The following EYS variants were observed in gnomAD, a reference collection of about 807,000 sequenced individuals.
The protein encoded by EYS is protein eyes shut homolog.
In EYS, 250 loss-of-function variants were observed where a neutral mutation model predicts 282.1. The observed-to-expected ratio is 0.89, with a 90% CI of 0.80 to 0.98. The LOEUF is 0.98. Ranked by LOEUF, EYS falls within the 50% of genes least tolerant of loss-of-function variation. The pLI is 0.00. For missense variants in EYS, 4,016 were observed against 3,709.0 expected (o/e 1.08, Z -2.15); for synonymous variants, 1,355 against 1,282.9 (o/e 1.06, Z -1.20).
intron 2 of EYS, among the ~76,000 whole-genome samples, chr6:65,617,026 GAT>G (rs1196770615): frequency 2.6e-5 from 4 of 151,998 alleles, no homozygotes; most frequent in African/African-American, 7.2e-5. Flanking sequence ...TACAACAAAT[GAT>G]TTCTAACATT....
At chr6:65,037,571 GTTACT>G (rs1420899322) in intron 13 of EYS, among the ~76,000 whole-genome samples, 2 of 151,494 alleles carry the variant, frequency 1.3e-5, no homozygotes, top group Non-Finnish European at 3.0e-5. Flanking sequence ...TTTTCTCTAG[GTTACT>G]TTATTCATTG....
At chr6:64,096,415 C>G (rs1772616055) in intron 31 of EYS, among the ~76,000 whole-genome samples, 1 of 152,220 alleles carries the variant, frequency 6.6e-6, no homozygotes, top group Non-Finnish European at 1.5e-5. Context: ...GGTCTTTTCA[C>G]ATAGTCCCAT....
intron 22 of EYS, chr6:64,733,863 A>C (rs1772066267): frequency 6.3e-6 from 1 of 158,356 alleles, no homozygotes; most frequent in African/African-American, 2.4e-5. Flanking sequence ...CTCCTGACTT[A>C]GTCTCACTCA....
At chr6:65,022,718 CAATAT>C (rs1311844891) in intron 13 of EYS, among the ~76,000 whole-genome samples, 1 of 149,244 alleles carries the variant, frequency 6.7e-6, no homozygotes, top group Non-Finnish European at 1.5e-5. Context: ...AACATAAATA[CAATAT>C]ATGTAATACA....
chr6:65,066,926 T>G (rs1773762439), intron 12 of EYS, among the ~76,000 whole-genome samples: 1 of 152,260 alleles, frequency 6.6e-6, no homozygotes, highest in Non-Finnish European at 1.5e-5. Context: ...TATGTAACAT[T>G]TAGCATATAG....
intron 2 of EYS, among the ~76,000 whole-genome samples, chr6:65,548,277 T>G (rs1268765610): frequency 6.6e-6 from 1 of 152,220 alleles, no homozygotes; most frequent in African/African-American, 2.4e-5. Flanking sequence ...TTGTGATTAT[T>G]TAAATTTTAG....
At chr6:64,854,637 A>G (rs1375770670) in intron 19 of EYS, among the ~76,000 whole-genome samples, 1 of 151,682 alleles carries the variant, frequency 6.6e-6, no homozygotes, top group Non-Finnish European at 1.5e-5. Context: ...GATATACCTA[A>G]TGTTAAATGA....
intron 31 of EYS, among the ~76,000 whole-genome samples, chr6:64,155,707 G>A (rs1485060290): frequency 2.0e-5 from 3 of 152,120 alleles, no homozygotes; most frequent in Non-Finnish European, 2.9e-5. Flanking sequence ...TAAGGCGAAC[G>A]ATGTTGTGTA....
At chr6:65,403,039 C>A (rs539244248) in intron 6 of EYS, among the ~76,000 whole-genome samples, 73 of 152,166 alleles carry the variant, frequency 4.8e-4, no homozygotes, top group African/African-American at 1.7e-3. Context: ...TAACAGCCAA[C>A]ATTTACTACC....
intron 12 of EYS, among the ~76,000 whole-genome samples, chr6:65,094,597 G>T (rs1774684044): frequency 1.3e-5 from 2 of 151,154 alleles, no homozygotes; most frequent in African/African-American, 4.8e-5. Flanking sequence ...GAAAAGGTAA[G>T]TAAATGATAC....
intron 36 of EYS, chr6:63,857,730 A>C: frequency 2.6e-6 from 1 of 383,268 alleles, no homozygotes; most frequent in South Asian, 2.3e-5. Context: ...CAATGCTTTG[A>C]TGAGCATCTG....
At chr6:65,506,456 CTTTCTTTTTTTTTTTTTTTTT>C (rs1766658294) in intron 2 of EYS, among the ~76,000 whole-genome samples, 1 of 89,488 alleles carries the variant, frequency 1.1e-5, no homozygotes, top group Admixed American at 1.2e-4. Flanking sequence ...TCCTTCCTTC[CTTTCTTTTTTTTTTTTTTTTT>C]TTTTTTTTTT....
chr6:64,393,747 C>T lies in EYS; in HGVS notation c.5928-4907G>A, dbSNP rs546790417. 4.1e-4 allele frequency among the ~76,000 whole-genome samples: 62 copies of T among 151,766 alleles called. 1 individual carries two copies. The East Asian group carries it at 0.011, about 26-fold the overall frequency. On this transcript the variant is annotated intron_variant, in intron 28 of 42. Coordinates refer to ENST00000503581, the MANE Select transcript of EYS (RefSeq NM_001142800.2). ...AAGACAGGGATGCCCTCTCTCACCA[C>T]TCCTATTCAACATAGTGTTGGAAGT...
intron 30 of EYS, among the ~76,000 whole-genome samples, chr6:64,279,707 G>A (rs980418570): frequency 6.6e-6 from 1 of 152,146 alleles, no homozygotes; most frequent in Non-Finnish European, 1.5e-5. Context: ...ATGTCCTGTA[G>A]TATATTCAAA....
chr6:64,851,650 A>G (rs1041365603), intron 19 of EYS, among the ~76,000 whole-genome samples: 1 of 152,164 alleles, frequency 6.6e-6, no homozygotes, highest in African/African-American at 2.4e-5. Flanking sequence ...CTTTTCTGGG[A>G]CATGGATAGA....
intron 33 of EYS, among the ~76,000 whole-genome samples, chr6:64,046,117 GTATT>G (rs1562172598): frequency 6.8e-6 from 1 of 147,818 alleles, no homozygotes; most frequent in Non-Finnish European, 1.5e-5. Flanking sequence ...CATATGTAAT[GTATT>G]TAAATACGTT....
chr6:65,260,021 T>A (rs1225288216), intron 12 of EYS, among the ~76,000 whole-genome samples: 1 of 152,038 alleles, frequency 6.6e-6, no homozygotes, highest in African/African-American at 2.4e-5. Context: ...GGGTAATTTG[T>A]AAAGTAAAGA....
At chr6:64,478,178 T>C (rs1776330387) in intron 26 of EYS, among the ~76,000 whole-genome samples, 3 of 152,048 alleles carry the variant, frequency 2.0e-5, no homozygotes, top group Non-Finnish European at 4.4e-5. Flanking sequence ...AAAAGGTGTT[T>C]AAGTGCTCTG....
intron 12 of EYS, among the ~76,000 whole-genome samples, chr6:65,121,977 A>T (rs139242925): frequency 2.5e-3 from 385 of 152,300 alleles, no homozygotes; most frequent in African/African-American, 8.5e-3. Flanking sequence ...AAATTTGGAA[A>T]AAAAGTCATA....
Sources: allele counts gnomAD v4.1 joint callset (sites outside exome capture counted in the v4.1 genomes callset), GRCh38; gene constraint gnomAD v4.1.1; transcripts MANE v1.5; gene names NCBI Gene and HGNC (gene_info 2026-07-23, HGNC 2026-07-21).